ARMH4: variants seen among roughly 807,000 people sequenced by gnomAD.
ARMH4 encodes the protein armadillo like helical domain containing 4.
Under a neutral mutation model 61.9 loss-of-function variants are expected in ARMH4, and 49 were observed. The ratio of observed to expected loss-of-function variants is 0.79; its 90% CI spans 0.63 to 1.00. The LOEUF is 1.00. ARMH4 is among the 50% of genes least tolerant of loss of function. The probability of loss-of-function intolerance (pLI) is 0.00; values close to 1 mark genes in which losing one functional copy is unlikely to be tolerated. For missense variants in ARMH4, 934 were observed against 930.0 expected, an observed-to-expected ratio of 1.00 and a Z score of -0.06; for synonymous variants, 368 against 341.5, an observed-to-expected ratio of 1.08 and a Z score of -0.85.
chr14:58,146,939 A>G (rs1887750015), intron 1 of ARMH4, among the ~76,000 whole-genome samples: 1 of 152,228 alleles, frequency 6.6e-6, no homozygotes, highest in Admixed American at 6.5e-5. Context: ...CTCAAGACAC[A>G]GGAGGGCTGT....
chr14:58,096,609 T>C, intron 5 of ARMH4, 115 bp downstream of exon 5: 2 of 1,239,144 alleles, frequency 1.6e-6, no homozygotes, highest in South Asian at 1.6e-5. Flanking sequence ...AAACCACCCA[T>C]AAACAAAGAA....
chr14:58,068,534 T>C (rs1165386663), intron 5 of ARMH4, among the ~76,000 whole-genome samples: 2 of 152,148 alleles, frequency 1.3e-5, no homozygotes, highest in Non-Finnish European at 2.9e-5. Context: ...CCTAATGATC[T>C]GTCATTTAGG....
intron 4 of ARMH4, among the ~76,000 whole-genome samples, chr14:58,099,999 A>G (rs997124209): frequency 6.6e-6 from 1 of 152,236 alleles, no homozygotes; most frequent in Non-Finnish European, 1.5e-5. Flanking sequence ...AGCCTGGTGC[A>G]TACTGGACAG....
intron 5 of ARMH4, among the ~76,000 whole-genome samples, chr14:58,026,883 G>GT (rs1883040018): frequency 6.6e-6 from 1 of 152,192 alleles, no homozygotes; most frequent in Non-Finnish European, 1.5e-5. Context: ...CCAAGTGGCT[G>GT]TAGTCTCTTG....
intron 5 of ARMH4, among the ~76,000 whole-genome samples, chr14:58,074,666 G>A (rs143068733): frequency 5.3e-5 from 8 of 152,046 alleles, no homozygotes; most frequent in Non-Finnish European, 8.8e-5. Flanking sequence ...ACCATGATGC[G>A]GTTTTCCACC....
intron 4 of ARMH4, among the ~76,000 whole-genome samples, chr14:58,124,914 A>C (rs1421195080): frequency 2.0e-5 from 3 of 152,222 alleles, no homozygotes; most frequent in Non-Finnish European, 4.4e-5. Flanking sequence ...GAAGGAAAAA[A>C]GGTAAATATA....
At chr14:58,009,968 G>A (rs1882340500) in intron 6 of ARMH4, among the ~76,000 whole-genome samples, 1 of 152,064 alleles carries the variant, frequency 6.6e-6, no homozygotes, top group Non-Finnish European at 1.5e-5. Flanking sequence ...GAATAATTCA[G>A]AACTTTTGAA....
intron 5 of ARMH4, among the ~76,000 whole-genome samples, chr14:58,086,204 A>G (rs550945997): frequency 6.6e-6 from 1 of 152,324 alleles, no homozygotes; most frequent in African/African-American, 2.4e-5. Flanking sequence ...AAGCTGATCA[A>G]TGTAATTGAC....
intron 1 of ARMH4, among the ~76,000 whole-genome samples, chr14:58,149,964 C>T (rs990051677): frequency 6.6e-6 from 1 of 152,060 alleles, no homozygotes; most frequent in African/African-American, 2.4e-5. Flanking sequence ...CATTTTTTTC[C>T]CCAAGGTACT....
intron 2 of ARMH4, among the ~76,000 whole-genome samples, chr14:58,134,581 C>T (rs1411694504): frequency 6.6e-6 from 1 of 151,986 alleles, no homozygotes; most frequent in African/African-American, 2.4e-5. Context: ...GTTCTAGATA[C>T]TAAGTATTTT....
chr14:58,099,533 G>A (rs2141268389), intron 4 of ARMH4, among the ~76,000 whole-genome samples: 1 of 152,258 alleles, frequency 6.6e-6, no homozygotes, highest in East Asian at 1.9e-4. Context: ...GAATGATATA[G>A]ACAAAGGCCA....
In ARMH4 at chr14:58,070,765, C is replaced by T. The variant is rs146937153; in HGVS notation, c.2089+25959G>A. 2.1e-3 allele frequency among the ~76,000 whole-genome samples: 327 copies of T among 152,278 alleles called. 1 individual carries two copies. Among genetic ancestry groups the T allele is most frequent in the African/African-American group, 7.0e-3 (292 of 41,552 alleles). ...AAATGTACGATTAAATTATTATTGACTATAGTCACCCTGTTGTGATACCAA... is the reference window on the plus strand; with the variant it reads ...AAATGTACGATTAAATTATTATTGATTATAGTCACCCTGTTGTGATACCAA... On this transcript the variant is annotated intron_variant, in intron 5 of 7. Coordinates refer to ENST00000267485, the MANE Select transcript of ARMH4 (RefSeq NM_001001872.4).
chr14:58,075,456 A>G (rs923040611), intron 5 of ARMH4, among the ~76,000 whole-genome samples: 7 of 152,184 alleles, frequency 4.6e-5, no homozygotes, highest in Admixed American at 3.9e-4. Flanking sequence ...CTTTGCAGGG[A>G]CATGGATGAA....
At chr14:58,113,510 T>C (rs1266570749) in intron 4 of ARMH4, among the ~76,000 whole-genome samples, 6 of 152,198 alleles carry the variant, frequency 3.9e-5, no homozygotes, top group African/African-American at 1.4e-4. Context: ...GTGTTTCCTA[T>C]GTCCATGGAT....
intron 5 of ARMH4, among the ~76,000 whole-genome samples, chr14:58,081,902 G>A (rs577135355): frequency 4.6e-5 from 7 of 151,154 alleles, no homozygotes; most frequent in East Asian, 1.9e-4. Context: ...CATAATGATC[G>A]TACATGTTCC....
At chr14:58,057,970 C>T (rs980867337) in intron 5 of ARMH4, among the ~76,000 whole-genome samples, 1 of 152,174 alleles carries the variant, frequency 6.6e-6, no homozygotes, top group Non-Finnish European at 1.5e-5. Flanking sequence ...TATAAAACAA[C>T]CACAGTACAC....
chr14:58,047,126 C>T (rs939020495), intron 5 of ARMH4, among the ~76,000 whole-genome samples: 1 of 152,180 alleles, frequency 6.6e-6, no homozygotes, highest in Admixed American at 6.5e-5. Flanking sequence ...CAGCCAGCCT[C>T]AATATCATGG....
chr14:58,026,187 T>C (rs1325454792), intron 5 of ARMH4, among the ~76,000 whole-genome samples: 1 of 152,074 alleles, frequency 6.6e-6, no homozygotes, highest in East Asian at 1.9e-4. Flanking sequence ...TAGGGAAATA[T>C]ATGACACATA....
intron 5 of ARMH4, among the ~76,000 whole-genome samples, chr14:58,087,399 G>A (rs185139045): frequency 6.6e-6 from 1 of 152,244 alleles, no homozygotes; most frequent in Non-Finnish European, 1.5e-5. Flanking sequence ...CACCTGAGGG[G>A]TTAGCTGAGT....
Sources: allele counts gnomAD v4.1 joint callset (sites outside exome capture counted in the v4.1 genomes callset), GRCh38; gene constraint gnomAD v4.1.1; transcripts MANE v1.5; gene names NCBI Gene and HGNC (gene_info 2026-07-23, HGNC 2026-07-21).